The following DNASE1 variants were observed in gnomAD, a reference collection of about 807,000 sequenced individuals.
The protein encoded by DNASE1 is deoxyribonuclease-1.
A neutral mutation model predicts 33.9 loss-of-function variants in DNASE1; 40 were observed. That is an observed-to-expected ratio of 1.18 (90% CI 0.92 to 1.54). DNASE1 has a LOEUF of 1.54. Among genes scored for constraint, DNASE1 ranks in the 40% most tolerant of loss-of-function variants. The pLI is 0.00. For synonymous variants in DNASE1, 216 were observed against 160.0 expected (o/e 1.35, Z -2.64); for missense variants, 518 against 372.6 (o/e 1.39, Z -3.21).
intron 1 of DNASE1, among the ~76,000 whole-genome samples, chr16:3,646,330 A>G (rs2042171095): frequency 6.6e-6 from 1 of 152,106 alleles, no homozygotes; most frequent in Non-Finnish European, 1.5e-5. Flanking sequence ...TTTCATGGGC[A>G]AGAAAGACCA....
At chr16:3,653,756 G>A (rs1389074404), upstream of DNASE1, 3 of 130,888 alleles carry the variant, frequency 2.3e-5, no homozygotes, top group African/African-American at 8.7e-5. Context: ...GCAGTGAGCC[G>A]AGATAGTATT....
upstream of DNASE1, chr16:3,654,670 G>A: frequency 2.5e-6 from 1 of 399,422 alleles, no homozygotes; most frequent in East Asian, 3.6e-5. Context: ...TTAAAACTAA[G>A]TGCAAACGTG....
At chr16:3,658,916 C>G, downstream of DNASE1, 1 of 1,578,198 alleles carries the variant, frequency 6.3e-7, no homozygotes, top group Non-Finnish European at 8.7e-7. Flanking sequence ...CGTGCTGTGA[C>G]CCTCCCTTCA....
intron 1 of DNASE1, among the ~76,000 whole-genome samples, chr16:3,619,556 T>C (rs1396590365): frequency 6.6e-6 from 1 of 150,818 alleles, no homozygotes; most frequent in Non-Finnish European, 1.5e-5. Flanking sequence ...AGAGACAGGG[T>C]TTCACCGTGT....
At chr16:3,620,887 G>C (rs186448701) in intron 1 of DNASE1, among the ~76,000 whole-genome samples, 1 of 152,014 alleles carries the variant, frequency 6.6e-6, no homozygotes, top group East Asian at 1.9e-4. Context: ...TGCAACCTCC[G>C]CTCCCCAGGT....
chr16:3,664,095 TGTGACCTCCAA>T (rs1876588024), exon 10 of DNASE1: 1 of 626,270 alleles, frequency 1.6e-6, no homozygotes, highest in South Asian at 2.7e-5. Context: ...AAAAACCACA[TGTGACCTCCAA>T]GTGGGAAACA....
At chr16:3,627,129 G>T (rs1423379572) in intron 1 of DNASE1, among the ~76,000 whole-genome samples, 2 of 151,848 alleles carry the variant, frequency 1.3e-5, no homozygotes, top group African/African-American at 2.4e-5. Flanking sequence ...TCCCATGTTG[G>T]CCAAGTGCTG....
chr16:3,613,380 A>T (rs2040978744), intron 1 of DNASE1, among the ~76,000 whole-genome samples: 1 of 152,212 alleles, frequency 6.6e-6, no homozygotes, highest in African/African-American at 2.4e-5. Flanking sequence ...GGTGATGGGC[A>T]TATGGATGTT....
At chr16:3,662,956 G>A (rs751304938), downstream of DNASE1, 5 of 1,610,258 alleles carry the variant, frequency 3.1e-6, no homozygotes, top group East Asian at 1.1e-4. Flanking sequence ...TTCTCTGATA[G>A]GCACTCGGCG....
chr16:3,614,489 C>T (rs2041030765), intron 1 of DNASE1, among the ~76,000 whole-genome samples: 1 of 152,192 alleles, frequency 6.6e-6, no homozygotes, highest in African/African-American at 2.4e-5. Context: ...TTATGGGGTT[C>T]CTCAGAAATA....
chr16:3,664,782 G>C, exon 10 of DNASE1: 1 of 291,132 alleles, frequency 3.4e-6, no homozygotes, highest in Non-Finnish European at 6.4e-6. Flanking sequence ...TCTTCCCTCT[G>C]CCCTCAGTGA....
chr16:3,656,785 G>C, intron 5 of DNASE1, 32 bp downstream of exon 5: 4 of 1,573,350 alleles, frequency 2.5e-6, no homozygotes. Flanking sequence ...GTGGGGCTCG[G>C]CTTGGCGCTT....
chr16:3,659,760 G>A (rs1432879443), downstream of DNASE1: 2 of 143,254 alleles, frequency 1.4e-5, no homozygotes, highest in Non-Finnish European at 3.2e-5. Flanking sequence ...TAGATAGATA[G>A]ATAGATAGAT....
intron 1 of DNASE1, among the ~76,000 whole-genome samples, chr16:3,621,262 A>C (rs1393260442): frequency 1.3e-5 from 2 of 151,908 alleles, no homozygotes; most frequent in Non-Finnish European, 2.9e-5. Flanking sequence ...ACTTTTAAAA[A>C]TTTTTGTAGA....
intron 1 of DNASE1, among the ~76,000 whole-genome samples, chr16:3,614,334 T>C (rs947883621): frequency 6.6e-6 from 1 of 151,866 alleles, no homozygotes; most frequent in African/African-American, 2.4e-5. Flanking sequence ...ATTACTGGTG[T>C]GAGCCACCGC....
In DNASE1 at chr16:3,657,247, T is replaced by A; in HGVS notation, c.610T>A (p.Ser204Thr). ...CAGCTATGTGAGACCCTCCCAGTGG[T>A]CATCCATCCGCCTGTGGACAAGCCC... The part of the protein sequence containing the change: ...GCSYVRPSQW[S>T]SIRLWTSPTF... The change falls in exon 7 of 9, where the codon TCA becomes ACA. Residue 204 changes from serine to threonine, a missense_variant. Physicochemically the swap from Ser to Thr is moderately conservative, Grantham distance 58. Coordinates refer to ENST00000246949, the MANE Select transcript of DNASE1 (RefSeq NM_005223.4). 1 of 1,613,952 alleles carries A rather than the reference T, an allele frequency of 6.2e-7. No homozygotes were observed. The highest frequency in any genetic ancestry group is 8.5e-7 in the Non-Finnish European group (1 of 1,179,996).
chr16:3,657,870 A>T, intron 8 of DNASE1, 36 bp from the exon 9 acceptor site: 1 of 1,614,024 alleles, frequency 6.2e-7, no homozygotes, highest in Non-Finnish European at 8.5e-7. Flanking sequence ...GAGCTCAGGT[A>T]GGCTCAGCCC....
At chr16:3,664,659 G>A (rs1213398272) in exon 10 of DNASE1, 1 of 580,254 alleles carries the variant, frequency 1.7e-6, no homozygotes, top group Admixed American at 3.6e-5. Flanking sequence ...GAGCTCTGGG[G>A]GCTTAGGAAG....
downstream of DNASE1, chr16:3,662,334 C>T (rs867377931): frequency 5.2e-5 from 35 of 668,382 alleles, no homozygotes; most frequent in Non-Finnish European, 7.4e-5. Context: ...ATACTGTGCC[C>T]GAGGGGCTCC....
Sources: gnomAD v4.1 joint callset for allele counts (sites outside exome capture counted in the v4.1 genomes callset) on GRCh38, gnomAD v4.1.1 for gene constraint, MANE v1.5 for transcripts, NCBI Gene and HGNC (gene_info 2026-07-23, HGNC 2026-07-21) for gene names.